ADGRV1: variants seen among roughly 807,000 people sequenced by gnomAD.
ADGRV1 encodes adhesion G protein-coupled receptor V1, also known as G-protein coupled receptor 98.
In ADGRV1, 359 loss-of-function variants were observed where a neutral mutation model predicts 596.2. That is an observed-to-expected ratio of 0.60 (90% CI 0.55 to 0.66). The LOEUF (loss-of-function observed/expected upper bound fraction) is 0.66, where lower values mean the gene tolerates loss of function less well. Ranked by LOEUF, ADGRV1 falls within the 30% of genes least tolerant of loss-of-function variation. The probability of loss-of-function intolerance (pLI) is 0.00; values close to 1 mark genes in which losing one functional copy is unlikely to be tolerated. For synonymous variants in ADGRV1, 2,681 were observed against 2,679.2 expected (o/e 1.00, Z -0.02); for missense variants, 7,274 against 7,575.6 (o/e 0.96, Z 1.48).
chr5:90,657,881 A>C (rs755023125), intron 20 of ADGRV1, 24 bp from the exon 21 acceptor site: 1 of 1,586,028 alleles, frequency 6.3e-7, no homozygotes, highest in South Asian at 1.2e-5. Context: ...GTATTGTAGC[A>C]TTTAAACTTG....
intron 29 of ADGRV1, among the ~76,000 whole-genome samples, chr5:90,688,021 A>ACTTT (rs1191654980): frequency 4.6e-5 from 7 of 151,852 alleles, no homozygotes; most frequent in African/African-American, 1.7e-4. Context: ...GCTACCAATG[A>ACTTT]CTTCACAGAA....
intron 59 of ADGRV1, among the ~76,000 whole-genome samples, chr5:90,764,317 A>T: frequency 6.6e-6 from 1 of 152,196 alleles, no homozygotes; most frequent in Non-Finnish European, 1.5e-5. Flanking sequence ...TCTGTCCGCC[A>T]TTGCTGGGAC....
At chr5:90,927,936 C>A (rs1311619439) in intron 83 of ADGRV1, among the ~76,000 whole-genome samples, 1 of 152,112 alleles carries the variant, frequency 6.6e-6, no homozygotes, top group African/African-American at 2.4e-5. Flanking sequence ...AAATTCTTTT[C>A]TTTAAGAATG....
chr5:90,762,930 T>A (rs1243147450), intron 58 of ADGRV1: 1 of 159,142 alleles, frequency 6.3e-6, no homozygotes, highest in Non-Finnish European at 1.4e-5. Flanking sequence ...CATCTTGGGG[T>A]TATGTCCTCT....
intron 20 of ADGRV1, among the ~76,000 whole-genome samples, chr5:90,657,474 A>G: frequency 6.6e-6 from 1 of 152,118 alleles, no homozygotes; most frequent in South Asian, 2.1e-4. Context: ...ATAATTAAAA[A>G]TTGTGATGAA....
At chr5:90,606,233 C>T (rs958454866) in intron 1 of ADGRV1, among the ~76,000 whole-genome samples, 1 of 152,186 alleles carries the variant, frequency 6.6e-6, no homozygotes, top group Non-Finnish European at 1.5e-5. Flanking sequence ...TCTGACAAAA[C>T]TAAATAAGGC....
At position 90,777,886 on chromosome 5, in the gene ADGRV1, C is replaced by T. The variant is rs781731735; in HGVS notation, c.12528-19C>T. On this transcript the variant is annotated intron_variant, in intron 61 of 89. Transcript: ENST00000405460. ...CTTCAACTGAAATGTATTGGATATA[C>T]ATTTGTTTATTGTTGTAGCCTTGTT... The T allele has an allele frequency of 1.3e-6, 2 of 1,588,096 alleles. No homozygotes were observed. Among genetic ancestry groups the T allele is most frequent in the Non-Finnish European group, 1.7e-6 (2 of 1,162,360 alleles).
At chr5:91,119,632 ACTTTT>A (rs1356256554) in intron 87 of ADGRV1, among the ~76,000 whole-genome samples, 1 of 152,160 alleles carries the variant, frequency 6.6e-6, no homozygotes, top group Non-Finnish European at 1.5e-5. Context: ...ATGTTTTAGA[ACTTTT>A]CTTATCTTGA....
intron 83 of ADGRV1, among the ~76,000 whole-genome samples, chr5:90,947,533 T>C (rs1311116001): frequency 3.3e-5 from 5 of 152,148 alleles, no homozygotes; most frequent in African/African-American, 1.2e-4. Flanking sequence ...TAAATGTTGA[T>C]GTGATTCTCA....
At chr5:90,940,743 C>T (rs1005535248) in intron 83 of ADGRV1, among the ~76,000 whole-genome samples, 3 of 152,048 alleles carry the variant, frequency 2.0e-5, no homozygotes, top group Non-Finnish European at 4.4e-5. Flanking sequence ...TTTGAACCGG[C>T]ACTAGTTAGT....
intron 75 of ADGRV1, among the ~76,000 whole-genome samples, chr5:90,817,419 T>G (rs1763008856): frequency 6.6e-6 from 1 of 151,192 alleles, no homozygotes; most frequent in African/African-American, 2.4e-5. Flanking sequence ...TTAGTTTAAT[T>G]AGATCCCATT....
At chr5:90,648,360 G>A (rs1315031765) in intron 17 of ADGRV1, among the ~76,000 whole-genome samples, 1 of 152,158 alleles carries the variant, frequency 6.6e-6, no homozygotes, top group East Asian at 1.9e-4. Context: ...AAGGCCTATG[G>A]CTTCTCTTGA....
At chr5:90,702,757 TG>T (rs988592900) in intron 34 of ADGRV1, among the ~76,000 whole-genome samples, 35 of 152,124 alleles carry the variant, frequency 2.3e-4, no homozygotes, top group African/African-American at 8.2e-4. Flanking sequence ...AGTGAATGTT[TG>T]TGGTTTTTAA....
At chr5:90,663,440 C>T (rs968560226) in intron 21 of ADGRV1, among the ~76,000 whole-genome samples, 12 of 150,408 alleles carry the variant, frequency 8.0e-5, no homozygotes, top group East Asian at 7.8e-4. Flanking sequence ...ATGTCCTTCG[C>T]CCACTTTTTG....
At chr5:91,066,282 A>G (rs1482336976) in intron 85 of ADGRV1, among the ~76,000 whole-genome samples, 1 of 152,180 alleles carries the variant, frequency 6.6e-6, no homozygotes, top group Non-Finnish European at 1.5e-5. Context: ...CTACTCTAAC[A>G]TGATATTCAC....
In ADGRV1 at chr5:90,647,613, T is replaced by C. The variant is rs778572968; in HGVS notation, c.3138T>C (p.Thr1046=). 6.2e-7 allele frequency: 1 copy of C among 1,613,984 alleles called. No homozygotes were observed. Among genetic ancestry groups the C allele is most frequent in the Non-Finnish European group, 8.5e-7 (1 of 1,179,874 alleles). The change falls in exon 17 of 90, where the codon ACT becomes ACC. Residue 1046 remains threonine (T), a synonymous_variant. Transcript: ENST00000405460. Reference sequence around the variant, plus strand: ...ATGCTACCAAGGATGGGAAGGCTACTGCAAGAGAGAGAGATTTCATTCCTG... The same window carrying C: ...ATGCTACCAAGGATGGGAAGGCTACCGCAAGAGAGAGAGATTTCATTCCTG... ...VQYATKDGKA[T]ARERDFIPVE...
At position 90,757,125 on chromosome 5, in the gene ADGRV1, A is replaced by C; in HGVS notation, c.11904A>C (p.Lys3968Asn). The part of the protein sequence containing the change: ...SPDSAGLEDF[K>N]PSHGILEFAD... ...ACAGTGCTGGCCTGGAAGACTTTAAACCATCTCATGGGATTCTTGAATTTG... is the reference window on the plus strand; with the variant it reads ...ACAGTGCTGGCCTGGAAGACTTTAACCCATCTCATGGGATTCTTGAATTTG... The change falls in exon 57 of 90, where the codon AAA (lysine) becomes AAC (asparagine). Residue 3968 changes from lysine to asparagine, a missense_variant. Transcript: ENST00000405460. The C allele has an allele frequency of 1.9e-6, 3 of 1,613,916 alleles. No individual in the cohort carries two copies. The highest frequency in any genetic ancestry group is 1.3e-5 in the African/African-American group (1 of 75,024).
rs747412638 is a variant in ADGRV1 at position 90,628,824 on chromosome 5, C to G, written c.1501C>G (p.Pro501Ala). The change falls in exon 8 of 90, where the codon CCA (proline) becomes GCA (alanine). Residue 501 changes from proline to alanine, a missense_variant. This residue lies in a region of ADGRV1 where 1,715 missense variants were observed against 1,708.8 expected (regional missense o/e 1.00). Coordinates refer to ENST00000405460, the MANE Select transcript of ADGRV1 (RefSeq NM_032119.4). ...ACGAGGAGGTGCAGAAGTGAGCGAG[C>G]CAGCGGAGGTATAACCCTTGTTATG... ...TIRGGAEVSE[P>A]AELLFYIQDS... 1.1e-5 allele frequency: 17 copies of G among 1,613,560 alleles called. No individual in the cohort carries two copies. The highest frequency in any genetic ancestry group is 1.3e-5 in the Non-Finnish European group (15 of 1,179,672).
At chr5:91,162,409 C>T (rs1797030551) in intron 89 of ADGRV1, among the ~76,000 whole-genome samples, 1 of 152,032 alleles carries the variant, frequency 6.6e-6, no homozygotes, top group Non-Finnish European at 1.5e-5. Flanking sequence ...GGCAGAGGTG[C>T]CAGCATAAGA....
Sources: gnomAD v4.1 joint callset for allele counts (sites outside exome capture counted in the v4.1 genomes callset) on GRCh38, gnomAD v4.1.1 for gene constraint, gnomAD v4.1.1 regional missense constraint, MANE v1.5 for transcripts, NCBI Gene and HGNC (gene_info 2026-07-23, HGNC 2026-07-21) for gene names.